Variants in MKLN1 observed in about 807,000 individuals in gnomAD.
The protein encoded by MKLN1 is muskelin.
MKLN1 carries 18 observed loss-of-function variants against 99.0 expected under a neutral mutation model. The observed-to-expected ratio is 0.18, with a 90% CI of 0.13 to 0.27. The LOEUF is 0.27. Among genes scored for constraint, MKLN1 ranks in the 10% least tolerant of loss-of-function variants. The pLI is 1.00. For missense variants in MKLN1, 621 were observed against 875.9 expected, an observed-to-expected ratio of 0.71 and a Z score of 3.67; for synonymous variants, 288 against 293.2, an observed-to-expected ratio of 0.98 and a Z score of 0.18.
At position 131,150,426 on chromosome 7, in the gene MKLN1, G is replaced by T. The variant is rs531730912; in HGVS notation, c.-297+7485G>T. On this transcript the variant is annotated intron_variant, in intron 2 of 7. Coordinates refer to the MKLN1 transcript ENST00000416992. ...CCCCTGAGCCCAGGAGGTCAAGACT[G>T]CAGTGAGCTATGATGGCACCACTGC... is the stretch of plus-strand genomic sequence containing the variant. 1.4e-4 allele frequency among the ~76,000 whole-genome samples: 21 copies of T among 152,270 alleles called. No individual in the cohort carries two copies. The South Asian group carries it at 3.7e-3, about 27-fold the overall frequency.
At chr7:131,283,270 A>G (rs1220645221) in intron 3 of MKLN1, among the ~76,000 whole-genome samples, 1 of 151,738 alleles carries the variant, frequency 6.6e-6, no homozygotes. Flanking sequence ...ACGGCTTGCC[A>G]TGATAAAACC....
chr7:131,261,530 T>C (rs185296522), intron 3 of MKLN1, among the ~76,000 whole-genome samples: 7 of 152,284 alleles, frequency 4.6e-5, no homozygotes, highest in Admixed American at 3.9e-4. Flanking sequence ...AGGCAACACT[T>C]ATACATTGGT....
At chr7:131,331,693 C>T (rs748373409) in intron 1 of MKLN1, among the ~76,000 whole-genome samples, 3 of 152,034 alleles carry the variant, frequency 2.0e-5, no homozygotes, top group Non-Finnish European at 2.9e-5. Context: ...ACTTCTGTTA[C>T]GAAAGCTGTT....
chr7:131,309,321 T>C (rs1264044010), intron 3 of MKLN1, among the ~76,000 whole-genome samples: 1 of 152,172 alleles, frequency 6.6e-6, no homozygotes, highest in Non-Finnish European at 1.5e-5. Flanking sequence ...GAGAGTTTAT[T>C]TGGGACAAGC....
chr7:131,266,879 A>T (rs1466665500), intron 3 of MKLN1, among the ~76,000 whole-genome samples: 2 of 151,990 alleles, frequency 1.3e-5, no homozygotes, highest in Non-Finnish European at 2.9e-5. Flanking sequence ...TGTCTTGGGG[A>T]AAAAGGATAG....
intron 3 of MKLN1, among the ~76,000 whole-genome samples, chr7:131,294,432 G>A (rs538591788): frequency 1.3e-5 from 2 of 151,604 alleles, no homozygotes; most frequent in East Asian, 3.9e-4. Context: ...CACATTCCTT[G>A]TACTATTCTT....
At position 131,133,306 on chromosome 7, in the gene MKLN1, TTTTTATTTTTTATTTTAA is replaced by T. The variant is rs1253737738; in HGVS notation, c.-418-9508_-418-9491del. ...CTCAAGCCACTCCAGGCTGACTTCT[TTTTTATTTTTTATTTTAA>T]TTTTAATTTTTTTTTTCTTTCTTTC... On this transcript the variant is annotated intron_variant, in intron 1 of 7. Coordinates refer to the MKLN1 transcript ENST00000416992. Among the ~76,000 whole-genome samples the T allele has an allele frequency of 1.1e-4, 16 of 149,312 alleles. No homozygotes were observed. In the East Asian group the frequency reaches 3.2e-3, roughly 30 times the overall value.
At chr7:131,472,263 G>A (rs1433070468) in intron 16 of MKLN1, 3 of 152,116 alleles carry the variant, frequency 2.0e-5, no homozygotes, top group Non-Finnish European at 2.9e-5. Flanking sequence ...CTGTAACTGG[G>A]AACAATCATT....
Position 131,419,706 on chromosome 7 carries a change from G to GT in MKLN1, c.847+5004dup, listed in dbSNP as rs961256263. 5.9e-5 allele frequency among the ~76,000 whole-genome samples: 9 copies of GT among 151,846 alleles called. No individual in the cohort carries two copies. In the South Asian group the frequency reaches 1.0e-3, roughly 18 times the overall value. On this transcript the variant is annotated intron_variant, in intron 8 of 17. Transcript: ENST00000352689. ...CATTGCCACCTTTCTACTACTCTTG[G>GT]TTTTTTTTCCAGAATTTTTGTTGCT... is the stretch of plus-strand genomic sequence containing the variant.
At chr7:131,345,095 C>CGTG (rs2052156683) in intron 1 of MKLN1, among the ~76,000 whole-genome samples, 3 of 152,166 alleles carry the variant, frequency 2.0e-5, no homozygotes, top group Admixed American at 2.0e-4. Flanking sequence ...CATGAGCCAC[C>CGTG]GCACCTGGAC....
intron 3 of MKLN1, among the ~76,000 whole-genome samples, chr7:131,236,313 CT>C (rs1181577422): frequency 1.3e-5 from 2 of 152,082 alleles, no homozygotes; most frequent in African/African-American, 4.8e-5. Flanking sequence ...CAAAACAAAG[CT>C]TTCTGCTGAA....
chr7:131,133,820 G>GTTTTTT (rs1563226583), intron 1 of MKLN1, among the ~76,000 whole-genome samples: 7 of 24,056 alleles, frequency 2.9e-4, no homozygotes, highest in Admixed American at 7.0e-4. Context: ...TTTTAATTTG[G>GTTTTTT]TTTTTTTTTT....
intron 1 of MKLN1, among the ~76,000 whole-genome samples, chr7:131,139,473 T>C (rs1020620480): frequency 6.6e-6 from 1 of 152,192 alleles, no homozygotes; most frequent in Non-Finnish European, 1.5e-5. Flanking sequence ...CCCATTTATT[T>C]TGGCTTCTGG....
chr7:131,301,694 G>T (rs1329575560), intron 3 of MKLN1, among the ~76,000 whole-genome samples: 2 of 152,016 alleles, frequency 1.3e-5, no homozygotes, highest in Non-Finnish European at 2.9e-5. Flanking sequence ...CCTCTGACCT[G>T]CTCTCCAAAC....
At chr7:131,180,998 A>C (rs561102729) in intron 2 of MKLN1, among the ~76,000 whole-genome samples, 1 of 152,354 alleles carries the variant, frequency 6.6e-6, no homozygotes, top group East Asian at 1.9e-4. Flanking sequence ...TCAAGAGTAC[A>C]GCAACACCCT....
chr7:131,165,106 A>C (rs547455881), intron 2 of MKLN1, among the ~76,000 whole-genome samples: 14 of 152,216 alleles, frequency 9.2e-5, no homozygotes, highest in African/African-American at 2.9e-4. Context: ...CTTCATGAAG[A>C]AAGTGATATT....
chr7:131,427,860 G>GT (rs74844616), intron 8 of MKLN1, among the ~76,000 whole-genome samples: 2 of 258 alleles, frequency 7.8e-3, no homozygotes, highest in African/African-American at 0.016. Flanking sequence ...AATTGGAAAC[G>GT]CCTATTATTG....
At chr7:131,117,435 AAACAACAAC>A (rs35789698) in intron 1 of MKLN1, among the ~76,000 whole-genome samples, 33 of 148,886 alleles carry the variant, frequency 2.2e-4, no homozygotes, top group Admixed American at 1.7e-3. Context: ...ATCTCAGGAA[AAACAACAAC>A]AACAACAACA....
At chr7:131,186,009 G>C (rs763910748) in intron 2 of MKLN1, among the ~76,000 whole-genome samples, 7 of 151,048 alleles carry the variant, frequency 4.6e-5, no homozygotes, top group Non-Finnish European at 1.0e-4. Flanking sequence ...TGGCCAACAT[G>C]GTGAAACCCC....
Sources: gnomAD v4.1 joint callset for allele counts (sites outside exome capture counted in the v4.1 genomes callset) on GRCh38, gnomAD v4.1.1 for gene constraint, MANE v1.5 for transcripts, NCBI Gene and HGNC (gene_info 2026-07-23, HGNC 2026-07-21) for gene names.